Variants in CHD7 observed in about 807,000 individuals in gnomAD.
The protein encoded by CHD7 is ATP-dependent chromatin remodeler CHD7.
In CHD7, 24 loss-of-function variants were observed where a neutral mutation model predicts 307.3. That is an observed-to-expected ratio of 0.08 (90% CI 0.06 to 0.11). The LOEUF is 0.11. CHD7 is among the 10% of genes least tolerant of loss of function. The pLI, the probability that CHD7 is intolerant of heterozygous loss-of-function variation, is 1.00. For missense variants in CHD7, 3,106 were observed against 3,727.1 expected (o/e 0.83, Z 4.34); for synonymous variants, 1,363 against 1,349.9 (o/e 1.01, Z -0.21).
intron 6 of CHD7, among the ~76,000 whole-genome samples, chr8:60,805,992 G>A (rs1297031865): frequency 6.6e-6 from 1 of 152,036 alleles, no homozygotes; most frequent in Non-Finnish European, 1.5e-5. Context: ...TTTCATCCTT[G>A]CTTCTCTTTT....
chr8:60,834,072 T>C (rs1341426994), intron 15 of CHD7, among the ~76,000 whole-genome samples: 3 of 152,226 alleles, frequency 2.0e-5, no homozygotes, highest in Non-Finnish European at 2.9e-5. Flanking sequence ...GCATTTTTTT[T>C]CTGACTATTC....
At chr8:60,802,434 G>A (rs1276777759) in intron 6 of CHD7, among the ~76,000 whole-genome samples, 1 of 152,090 alleles carries the variant, frequency 6.6e-6, no homozygotes, top group Non-Finnish European at 1.5e-5. Flanking sequence ...TGTCTGTGTC[G>A]CAGCTTCAGT....
intron 1 of CHD7, among the ~76,000 whole-genome samples, chr8:60,689,365 T>A (rs553041013): frequency 2.0e-5 from 3 of 152,354 alleles, no homozygotes; most frequent in Admixed American, 6.5e-5. Context: ...GCTAAGCTAT[T>A]TACATGAACT....
intron 2 of CHD7, among the ~76,000 whole-genome samples, chr8:60,755,057 G>A (rs1809824922): frequency 1.3e-5 from 2 of 152,236 alleles, no homozygotes; most frequent in South Asian, 4.1e-4. Flanking sequence ...CCTGTTGACT[G>A]GCACTGAAGG....
At chr8:60,852,765 A>G in intron 30 of CHD7, 59 bp downstream of exon 30, 2 of 1,610,682 alleles carry the variant, frequency 1.2e-6, no homozygotes, top group Non-Finnish European at 1.7e-6. Context: ...AAAAATAAGA[A>G]AGTGTACAAT....
At chr8:60,734,000 C>T (rs983726723) in intron 1 of CHD7, among the ~76,000 whole-genome samples, 1 of 152,186 alleles carries the variant, frequency 6.6e-6, no homozygotes, top group African/African-American at 2.4e-5. Context: ...TCCTTGTAAA[C>T]TGTTACAGAT....
At chr8:60,820,176 G>GTCT (rs1008110864) in intron 9 of CHD7, 86 bp downstream of exon 9, 1 of 791,274 alleles carries the variant, frequency 1.3e-6, no homozygotes, top group African/African-American at 1.7e-5. Flanking sequence ...CCTAGACCTG[G>GTCT]TCTTGGTCAG....
intron 1 of CHD7, among the ~76,000 whole-genome samples, chr8:60,714,936 G>A (rs1447427112): frequency 6.6e-6 from 1 of 152,252 alleles, no homozygotes; most frequent in Non-Finnish European, 1.5e-5. Flanking sequence ...GGAGCATGAG[G>A]GCGCAGGCGC....
chr8:60,853,672 A>G (rs1023822019), intron 31 of CHD7, among the ~76,000 whole-genome samples, 172 bp downstream of exon 31: 4 of 152,198 alleles, frequency 2.6e-5, no homozygotes, highest in African/African-American at 7.2e-5. Context: ...CTCGCACCTT[A>G]TAGCACCTAA....
At chr8:60,734,903 A>C (rs2150567704) in intron 1 of CHD7, among the ~76,000 whole-genome samples, 1 of 152,332 alleles carries the variant, frequency 6.6e-6, no homozygotes, top group African/African-American at 2.4e-5. Context: ...TCATTCAATC[A>C]GTAGTGTGAA....
chr8:60,763,245 A>T (rs1038321045), intron 2 of CHD7, among the ~76,000 whole-genome samples: 1 of 152,250 alleles, frequency 6.6e-6, no homozygotes, highest in African/African-American at 2.4e-5. Flanking sequence ...TCAACAAATC[A>T]TATTTAATAG....
chr8:60,808,151 T>G (rs1664873723), intron 6 of CHD7, 66 bp from the exon 7 acceptor site: 1 of 1,102,952 alleles, frequency 9.1e-7, no homozygotes, highest in Non-Finnish European at 1.3e-6. Flanking sequence ...TGGGAGTAAA[T>G]CATTACTTTT....
intron 1 of CHD7, among the ~76,000 whole-genome samples, chr8:60,740,571 T>C (rs1420730870): frequency 6.6e-6 from 1 of 152,240 alleles, no homozygotes; most frequent in Non-Finnish European, 1.5e-5. Context: ...TTTCTGAATC[T>C]TGTATATTTC....
chr8:60,745,698 A>ATTTTT (rs1331702170), intron 2 of CHD7, among the ~76,000 whole-genome samples: 2 of 152,182 alleles, frequency 1.3e-5, no homozygotes, highest in African/African-American at 4.8e-5. Context: ...TTTGAACATA[A>ATTTTT]GGCTAGGGAG....
intron 1 of CHD7, chr8:60,679,687 C>A (rs1406450772): frequency 6.8e-6 from 1 of 147,002 alleles, no homozygotes. Flanking sequence ...CGCTCCGGAC[C>A]GACCACGCCG....
chr8:60,817,964 A>G (rs1803828143), intron 8 of CHD7, among the ~76,000 whole-genome samples: 1 of 152,164 alleles, frequency 6.6e-6, no homozygotes, highest in African/African-American at 2.4e-5. Context: ...TCTCTCCTGT[A>G]GTCACACTGT....
At position 60,844,918 on chromosome 8, in the gene CHD7, T is replaced by A; in HGVS notation, c.4905T>A (p.Thr1635=). The change falls in exon 22 of 38, where the codon ACT becomes ACA. Residue 1635 remains threonine (T), a synonymous_variant. Coordinates refer to ENST00000423902, the MANE Select transcript of CHD7 (RefSeq NM_017780.4). ...LSHGRYKRQL[T]EQDVETICRT... The stretch of plus-strand genomic sequence containing the variant: ...ACGGACGCTATAAACGCCAACTCAC[T>A]GAGCAAGATGTAGAAACCATCTGCA... The A allele has an allele frequency of 6.2e-7, 1 of 1,613,212 alleles. No homozygotes were observed. Among genetic ancestry groups the A allele is most frequent in the Non-Finnish European group, 8.5e-7 (1 of 1,179,342 alleles).
At chr8:60,857,403 T>C (rs1437590587) in intron 34 of CHD7, among the ~76,000 whole-genome samples, 2 of 152,206 alleles carry the variant, frequency 1.3e-5, no homozygotes, top group East Asian at 1.9e-4. Context: ...ATTTTGACTT[T>C]TCCTTTCTCA....
intron 1 of CHD7, among the ~76,000 whole-genome samples, chr8:60,694,824 T>C (rs1475165833): frequency 2.6e-5 from 4 of 152,086 alleles, no homozygotes; most frequent in Admixed American, 2.0e-4. Context: ...GTTGGATAGA[T>C]AGGGAGAGGT....
Sources: gnomAD v4.1 joint callset for allele counts (sites outside exome capture counted in the v4.1 genomes callset) on GRCh38, gnomAD v4.1.1 for gene constraint, MANE v1.5 for transcripts, NCBI Gene and HGNC (gene_info 2026-07-23, HGNC 2026-07-21) for gene names.